Variants in SYTL5 observed in about 807,000 individuals in gnomAD.
The protein encoded by SYTL5 is synaptotagmin like 5.
Under a neutral mutation model 55.9 loss-of-function variants are expected in SYTL5, and 34 were observed. That is an observed-to-expected ratio of 0.61 (90% CI 0.46 to 0.81). The LOEUF (loss-of-function observed/expected upper bound fraction) is 0.81, where lower values mean the gene tolerates loss of function less well. Ranked by LOEUF, SYTL5 falls within the 30% of genes least tolerant of loss-of-function variation. The pLI, the probability that SYTL5 is intolerant of heterozygous loss-of-function variation, is 0.00. For synonymous variants in SYTL5, 221 were observed against 188.7 expected (o/e 1.17, Z -1.40); for missense variants, 637 against 546.7 (o/e 1.17, Z -1.65).
intron 1 of SYTL5, among the ~76,000 whole-genome samples, chrX:38,017,073 TTTG>T (rs1401165689): frequency 8.1e-5 from 9 of 111,107 alleles, no homozygotes; most frequent in Admixed American, 2.9e-4. Context: ...TTCAGCCAAT[TTTG>T]TTGTTGTTGT....
chrX:37,934,357 GAGATAA>G, the SYTL5 span, among the ~76,000 whole-genome samples: 1 of 109,476 alleles, frequency 9.1e-6, no homozygotes, highest in African/African-American at 3.3e-5. Flanking sequence ...CATCAATAAA[GAGATAA>G]AGTATTTAAA....
chrX:37,925,579 A>C, the SYTL5 span, among the ~76,000 whole-genome samples: 1 of 111,163 alleles, frequency 9.0e-6, no homozygotes, highest in South Asian at 3.8e-4. Context: ...AACTGGGATG[A>C]GATTGTATCT....
At chrX:38,121,264 AG>A (rs776276310) in intron 14 of SYTL5, among the ~76,000 whole-genome samples, 22 of 111,858 alleles carry the variant, frequency 2.0e-4, no homozygotes, top group Non-Finnish European at 1.5e-4. Context: ...CACCTCCAAT[AG>A]TGGGGATTAC....
chrX:38,054,189 A>AT (rs748981437), intron 2 of SYTL5, 24 bp from the exon 3 acceptor site: 41 of 1,142,743 alleles, frequency 3.6e-5, no homozygotes, highest in South Asian at 1.5e-4. Context: ...TTTTTAAGTG[A>AT]TTTTTTTTCC....
chrX:37,971,778 T>C, the SYTL5 span, among the ~76,000 whole-genome samples: 1 of 108,621 alleles, frequency 9.2e-6, no homozygotes, highest in Non-Finnish European at 1.9e-5. Context: ...CAGAAGGGGG[T>C]CATTCTCCTT....
At chrX:37,947,042 A>G in the SYTL5 span, among the ~76,000 whole-genome samples, 16 of 109,936 alleles carry the variant, frequency 1.5e-4, no homozygotes, top group South Asian at 3.9e-4. Flanking sequence ...CTCTTGCCCC[A>G]CTTTCTTCTC....
the SYTL5 span, among the ~76,000 whole-genome samples, chrX:37,943,550 G>A: frequency 9.0e-6 from 1 of 111,424 alleles, no homozygotes; most frequent in African/African-American, 3.3e-5. Flanking sequence ...TCCTGCTGAA[G>A]GCTGGCCAGG....
the SYTL5 span, among the ~76,000 whole-genome samples, chrX:37,904,939 GT>G: frequency 9.0e-6 from 1 of 111,031 alleles, no homozygotes; most frequent in Admixed American, 9.5e-5. Context: ...CTTCCTTCCA[GT>G]TTTGATATGG....
chrX:38,009,692 A>G (rs997360618), intron 1 of SYTL5, among the ~76,000 whole-genome samples: 1 of 111,034 alleles, frequency 9.0e-6, no homozygotes, highest in African/African-American at 3.3e-5. Flanking sequence ...CCCCATCTCC[A>G]TCAGAAAGTC....
Position 38,072,284 on chromosome X carries a change from C to A in SYTL5, c.445+122C>A, listed in dbSNP as rs756619169. 2.4e-5 allele frequency: 11 copies of A among 467,986 alleles called. No individual in the cohort carries two copies. The South Asian group carries it at 4.7e-4, about 20-fold the overall frequency. 38.6% of individuals were successfully genotyped at this position (467,986 alleles called of 1,213,427 possible). On this transcript the variant is annotated intron_variant, in intron 4 of 16. Coordinates refer to ENST00000297875, the MANE Select transcript of SYTL5 (RefSeq NM_138780.3). ...GTTTCTTGAATCCCTTAGGGCATTT[C>A]ACAACTTGGTAGCATGAAATCTAGA...
chrX:37,955,112 G>C, the SYTL5 span, among the ~76,000 whole-genome samples: 1 of 110,182 alleles, frequency 9.1e-6, no homozygotes, highest in African/African-American at 3.3e-5. Context: ...TAAAATTAGG[G>C]TTATGGTCCC....
intron 7 of SYTL5, among the ~76,000 whole-genome samples, chrX:38,091,461 C>T (rs1476296684): frequency 9.0e-6 from 1 of 111,612 alleles, no homozygotes; most frequent in Non-Finnish European, 1.9e-5. Flanking sequence ...GATATTCAAA[C>T]CACTTAGTGA....
the SYTL5 span, among the ~76,000 whole-genome samples, chrX:37,959,693 C>T: frequency 8.9e-6 from 1 of 111,967 alleles, no homozygotes; most frequent in East Asian, 2.8e-4. Flanking sequence ...AAGCTTTCGG[C>T]CTTCCAAACG....
At chrX:38,113,125 A>T (rs1937399673) in intron 13 of SYTL5, among the ~76,000 whole-genome samples, 1 of 111,981 alleles carries the variant, frequency 8.9e-6, no homozygotes, top group African/African-American at 3.3e-5. Flanking sequence ...GAAAGAACTC[A>T]AGATGCCAAA....
At chrX:37,919,111 A>G in the SYTL5 span, among the ~76,000 whole-genome samples, 1 of 111,437 alleles carries the variant, frequency 9.0e-6, no homozygotes, top group Non-Finnish European at 1.9e-5. Context: ...CTATCTCTGC[A>G]TAGAGATGGT....
intron 13 of SYTL5, among the ~76,000 whole-genome samples, chrX:38,113,129 T>C (rs1210459557): frequency 8.9e-6 from 1 of 111,980 alleles, no homozygotes; most frequent in Non-Finnish European, 1.9e-5. Flanking sequence ...GAACTCAAGA[T>C]GCCAAACATA....
chrX:37,922,459 A>T, the SYTL5 span, among the ~76,000 whole-genome samples: 1 of 112,465 alleles, frequency 8.9e-6, no homozygotes, highest in Non-Finnish European at 1.9e-5. Context: ...GTAATAAAGT[A>T]AGTAAATATT....
chrX:37,942,325 T>G, the SYTL5 span, among the ~76,000 whole-genome samples: 4 of 112,193 alleles, frequency 3.6e-5, no homozygotes, highest in Admixed American at 3.8e-4. Context: ...TGTCAAGTAT[T>G]ACGTGCTGCT....
chrX:38,102,970 G>T, intron 10 of SYTL5: 1 of 904,327 alleles, frequency 1.1e-6, no homozygotes, highest in Non-Finnish European at 1.6e-6. Flanking sequence ...TGGCTTCTCT[G>T]ATTTCTGTTG....
Sources: gnomAD v4.1 joint callset for allele counts (sites outside exome capture counted in the v4.1 genomes callset) on GRCh38, gnomAD v4.1.1 for gene constraint, MANE v1.5 for transcripts, NCBI Gene and HGNC (gene_info 2026-07-23, HGNC 2026-07-21) for gene names.